KIRREL3: variants seen among roughly 807,000 people sequenced by gnomAD.
KIRREL3 encodes the protein kin of IRRE-like protein 3.
A neutral mutation model predicts 89.7 loss-of-function variants in KIRREL3; 36 were observed. That is an observed-to-expected ratio of 0.40 (90% confidence interval 0.31 to 0.53). The LOEUF is 0.53. KIRREL3 is among the 20% of genes least tolerant of loss of function. The probability of loss-of-function intolerance (pLI) is 0.49; values close to 1 mark genes in which losing one functional copy is unlikely to be tolerated. For missense variants in KIRREL3, 864 were observed against 1,056.6 expected (o/e 0.82, Z 2.53); for synonymous variants, 445 against 441.4 (o/e 1.01, Z -0.10).
rs754495070 is a variant in KIRREL3, at chr11:126,526,578, G to T, written c.243C>A (p.Ile81=). Reference sequence around the variant, plus strand: ...CCACACCCAGAGCCAAGCCGTCCTTGATCCACAGAACGAAGCCATCGTATT... The same window carrying T: ...CCACACCCAGAGCCAAGCCGTCCTTTATCCACAGAACGAAGCCATCGTATT... ...IPEYDGFVLW[I]KDGLALGVGR... Residue 81 remains isoleucine, a synonymous_variant, in exon 3 of 17, where the codon ATC becomes ATA. Transcript: ENST00000525144. This position sits in a 1 kb window ranked among gnomAD's most constrained non-coding sequence, Gnocchi z 5.7. 1 of 1,613,102 alleles carries T rather than the reference G, an allele frequency of 6.2e-7. No homozygotes were observed. Among genetic ancestry groups the T allele is most frequent in the South Asian group, 1.1e-5 (1 of 90,678 alleles).
At position 126,492,068 on chromosome 11, in the gene KIRREL3, C is replaced by A. The variant is rs936019867; in HGVS notation, c.434-18602G>T. Among the ~76,000 whole-genome samples the A allele has an allele frequency of 6.6e-6, 1 of 152,128 alleles. No homozygotes were observed. Among genetic ancestry groups the A allele is most frequent in the Non-Finnish European group, 1.5e-5 (1 of 68,038 alleles). Reference sequence around the variant, plus strand: ...TATTGTCTCACTTCCCTTCAGTGAGCCAAAGGGCCCCATCCTTGCTTACCT... The same window carrying A: ...TATTGTCTCACTTCCCTTCAGTGAGACAAAGGGCCCCATCCTTGCTTACCT... On this transcript the variant is annotated intron_variant, in intron 4 of 16. Coordinates refer to ENST00000525144, the MANE Select transcript of KIRREL3 (RefSeq NM_032531.4). The surrounding 1 kb of genome is among the most constrained non-coding windows in gnomAD (Gnocchi z 4.8).
intron 5 of KIRREL3, among the ~76,000 whole-genome samples, chr11:126,472,038 G>GTGGTGGA (rs1376284481): frequency 1.3e-5 from 2 of 152,130 alleles, no homozygotes; most frequent in Non-Finnish European, 2.9e-5. Flanking sequence ...GAGCCTAAAC[G>GTGGTGGA]GCTTCACCTG....
intron 1 of KIRREL3, among the ~76,000 whole-genome samples, chr11:126,937,912 C>A (rs773646053): frequency 3.3e-5 from 5 of 151,980 alleles, no homozygotes; most frequent in Admixed American, 6.6e-5. Context: ...AAACAAAAAA[C>A]CAAAAAAAAC....
Position 126,987,194 on chromosome 11 carries a change from T to C in KIRREL3, c.55+13261A>G, listed in dbSNP as rs1323226199. ...ACCTGTCAGGAACACGCAAAGGGAG[T>C]CTACACCTAGAATTAAGGGGATACA... is the stretch of plus-strand genomic sequence containing the variant. On this transcript the variant is annotated intron_variant, in intron 1 of 16. Coordinates refer to ENST00000525144, the MANE Select transcript of KIRREL3 (RefSeq NM_032531.4). This position sits in a 1 kb window ranked among gnomAD's most constrained non-coding sequence, Gnocchi z 4.6. 6.6e-6 allele frequency among the ~76,000 whole-genome samples: 1 copy of C among 151,836 alleles called. No homozygotes were observed.
intron 1 of KIRREL3, among the ~76,000 whole-genome samples, chr11:126,887,244 G>T: frequency 6.6e-6 from 1 of 152,156 alleles, no homozygotes; most frequent in East Asian, 1.9e-4. Flanking sequence ...CCTGATAATT[G>T]CCCAGGTTCC....
chr11:126,941,263 A>T (rs1018251073), intron 1 of KIRREL3, among the ~76,000 whole-genome samples: 2 of 147,600 alleles, frequency 1.4e-5, no homozygotes, highest in African/African-American at 5.0e-5. Context: ...AAACAAACAA[A>T]CAAAAAACCC....
intron 4 of KIRREL3, among the ~76,000 whole-genome samples, chr11:126,500,360 T>C (rs1021276368): frequency 2.6e-5 from 4 of 152,208 alleles, no homozygotes; most frequent in Admixed American, 1.3e-4. Flanking sequence ...GCCACCACTA[T>C]GTAGGGCAGC....
At position 126,543,518 on chromosome 11, in the gene KIRREL3, CT is replaced by C. The variant is rs990280812; in HGVS notation, c.134-16832del. 7.9e-5 allele frequency among the ~76,000 whole-genome samples: 12 copies of C among 152,110 alleles called. 1 individual carries two copies. Among genetic ancestry groups the C allele is most frequent in the African/African-American group, 7.2e-5 (3 of 41,414 alleles). On this transcript the variant is annotated intron_variant, in intron 2 of 16. Coordinates refer to ENST00000525144, the MANE Select transcript of KIRREL3 (RefSeq NM_032531.4). ...TTGAGCCATTTGACTCCAGGCCTGG[CT>C]TTTTTTCCCCCAACAGTAGCCGGTC...
At position 126,780,983 on chromosome 11, in the gene KIRREL3, G is replaced by A. The variant is rs1950309305; in HGVS notation, c.56-218071C>T. Among the ~76,000 whole-genome samples the A allele has an allele frequency of 6.6e-6, 1 of 152,194 alleles. No individual in the cohort carries two copies. The highest frequency in any genetic ancestry group is 6.5e-5 in the Admixed American group (1 of 15,286). On this transcript the variant is annotated intron_variant, in intron 1 of 16. Coordinates refer to ENST00000525144, the MANE Select transcript of KIRREL3 (RefSeq NM_032531.4). The surrounding 1 kb of genome is among the most constrained non-coding windows in gnomAD (Gnocchi z 5.3). The stretch of plus-strand genomic sequence containing the variant: ...AGTTTGTATTTTCTCCCTGGATACA[G>A]CTAGCAGCTGCAAGAGCTCCCAGGC...
At position 126,449,481 on chromosome 11, in the gene KIRREL3, G is replaced by GA. The variant is rs1378876190; in HGVS notation, c.849-325dup. ...CAGCCCATCTGCTGGCTAGACGATG[G>GA]AAAATCCAACTGTCAGTGGGCAGAC... On this transcript the variant is annotated intron_variant, in intron 7 of 16. Coordinates refer to ENST00000525144, the MANE Select transcript of KIRREL3 (RefSeq NM_032531.4). 2.6e-5 allele frequency among the ~76,000 whole-genome samples: 4 copies of GA among 152,342 alleles called. No homozygotes were observed. In the East Asian group the frequency reaches 7.7e-4, roughly 29 times the overall value.
Position 126,522,065 on chromosome 11 carries a change from C to T in KIRREL3, c.284-601G>A, listed in dbSNP as rs1958615903. ...GGCCATGTAAGGGTCTTGTTGGTTT[C>T]AAGTTTAGGAAAATCGGAGGAGCCA... On this transcript the variant is annotated intron_variant, in intron 3 of 16. Transcript: ENST00000525144. This position sits in a 1 kb window ranked among gnomAD's most constrained non-coding sequence, Gnocchi z 6.0. 2.6e-5 allele frequency among the ~76,000 whole-genome samples: 4 copies of T among 151,972 alleles called. No homozygotes were observed.
At position 126,429,533 on chromosome 11, in the gene KIRREL3, C is replaced by A. The variant is rs947163477; in HGVS notation, c.1697-245G>T. On this transcript the variant is annotated intron_variant, in intron 14 of 16. Coordinates refer to ENST00000525144, the MANE Select transcript of KIRREL3 (RefSeq NM_032531.4). The surrounding 1 kb of genome is among the most constrained non-coding windows in gnomAD (Gnocchi z 5.2). ...TCCTGTCACATGCCCCTCAGCCATG[C>A]ACCCTTGGCTTGAAAGATCGTCTTC... 6.6e-6 allele frequency among the ~76,000 whole-genome samples: 1 copy of A among 152,214 alleles called. No homozygotes were observed. Among genetic ancestry groups the A allele is most frequent in the Non-Finnish European group, 1.5e-5 (1 of 68,036 alleles).
Position 126,611,695 on chromosome 11 carries a change from C to T in KIRREL3, c.56-48783G>A, listed in dbSNP as rs1216967940. On this transcript the variant is annotated intron_variant, in intron 1 of 16. Transcript: ENST00000525144. The surrounding 1 kb of genome is among the most constrained non-coding windows in gnomAD (Gnocchi z 4.7). ...CTGGGCTGCACGCACGTTGGGTTCA[C>T]TGATCGCAGAGTCTTTTTCTGGCTG... 6.6e-6 allele frequency among the ~76,000 whole-genome samples: 1 copy of T among 152,206 alleles called. No individual in the cohort carries two copies. Among genetic ancestry groups the T allele is most frequent in the African/African-American group, 2.4e-5 (1 of 41,460 alleles).
chr11:126,511,134 C>A (rs1038041818), intron 4 of KIRREL3, among the ~76,000 whole-genome samples: 4 of 151,742 alleles, frequency 2.6e-5, no homozygotes, highest in Non-Finnish European at 4.4e-5. Flanking sequence ...GCAGGGATGT[C>A]ACCAGGTATG....
At chr11:126,998,829 G>A (rs112654815) in intron 1 of KIRREL3, among the ~76,000 whole-genome samples, 22 of 152,040 alleles carry the variant, frequency 1.4e-4, no homozygotes, top group Admixed American at 1.0e-3. Flanking sequence ...GTGTGTTTAC[G>A]GGGGGTTGGT....
chr11:126,435,366 G>A, intron 12 of KIRREL3, 63 bp from the exon 13 acceptor site: 1 of 1,555,444 alleles, frequency 6.4e-7, no homozygotes, highest in Non-Finnish European at 8.9e-7. Context: ...GGGTGGGACT[G>A]GGAATTAGCT....
intron 6 of KIRREL3, among the ~76,000 whole-genome samples, chr11:126,456,934 T>C (rs1040447953): frequency 1.3e-5 from 2 of 152,182 alleles, no homozygotes; most frequent in Non-Finnish European, 2.9e-5. Flanking sequence ...CCTAATCATC[T>C]CCACTCAGTC....
In KIRREL3 at chr11:126,802,529, G is replaced by T. The variant is rs1951072935; in HGVS notation, c.55+197926C>A. ...CTCCAGCTTCCTCCCACATCCCAAAGCTGTCACATGAGGTGACCTGGCATG... is the reference window on the plus strand; with the variant it reads ...CTCCAGCTTCCTCCCACATCCCAAATCTGTCACATGAGGTGACCTGGCATG... On this transcript the variant is annotated intron_variant, in intron 1 of 16. Coordinates refer to ENST00000525144, the MANE Select transcript of KIRREL3 (RefSeq NM_032531.4). The surrounding 1 kb of genome is among the most constrained non-coding windows in gnomAD (Gnocchi z 5.2). 6.6e-6 allele frequency among the ~76,000 whole-genome samples: 1 copy of T among 152,132 alleles called. No homozygotes were observed. The highest frequency in any genetic ancestry group is 6.5e-5 in the Admixed American group (1 of 15,280).
chr11:126,775,497 G>A (rs572656184), intron 1 of KIRREL3, among the ~76,000 whole-genome samples: 3 of 152,210 alleles, frequency 2.0e-5, no homozygotes, highest in South Asian at 2.1e-4. Flanking sequence ...TCCCCGTGAC[G>A]ACAGGCTTGG....
Sources: gnomAD v4.1 joint callset for allele counts (sites outside exome capture counted in the v4.1 genomes callset) on GRCh38, gnomAD v4.1.1 for gene constraint, Gnocchi (gnomAD v3.1) non-coding constraint, MANE v1.5 for transcripts, NCBI Gene and HGNC (gene_info 2026-07-23, HGNC 2026-07-21) for gene names.